Variants in COL22A1 observed in about 807,000 individuals in gnomAD.
COL22A1 encodes the protein collagen type XXII alpha 1 chain, also known as collagen alpha-1(XXII) chain.
Under a neutral mutation model 248.9 loss-of-function variants are expected in COL22A1, and 221 were observed. The ratio of observed to expected loss-of-function variants is 0.89; its 90% CI spans 0.80 to 0.99. The LOEUF is 0.99. COL22A1 is among the 50% of genes least tolerant of loss of function. COL22A1 has a pLI of 0.00. For missense variants in COL22A1, 2,240 were observed against 2,179.0 expected (o/e 1.03, Z -0.56); for synonymous variants, 891 against 793.4 (o/e 1.12, Z -2.07).
rs966150968 is a variant in COL22A1 at position 138,826,507 on chromosome 8, G to A, written c.969+151C>T. 7 of 742,478 alleles carry A rather than the reference G, an allele frequency of 9.4e-6. No homozygotes were observed. The African/African-American group carries it at 1.1e-4, about 11-fold the overall frequency. The allele number at this position is 742,478 out of a possible 1,614,324, so 46.0% of individuals were successfully genotyped here. ...TCTTGGGTCTCATGACATCCCCCCTGCAGGTCCTCTGAGCCTCCATACGCC... is the reference window on the plus strand; with the variant it reads ...TCTTGGGTCTCATGACATCCCCCCTACAGGTCCTCTGAGCCTCCATACGCC... On this transcript the variant is annotated intron_variant, in intron 6 of 64. Transcript: ENST00000303045.
chr8:138,795,528 G>GACACACACACATACAC (rs1554628188), intron 12 of COL22A1, among the ~76,000 whole-genome samples: 2 of 144,784 alleles, frequency 1.4e-5, no homozygotes, highest in African/African-American at 5.2e-5. Context: ...CTCTCTTTCA[G>GACACACACACATACAC]ACACACACAC....
intron 16 of COL22A1, among the ~76,000 whole-genome samples, chr8:138,774,680 A>G (rs538567472): frequency 6.6e-6 from 1 of 152,300 alleles, no homozygotes; most frequent in South Asian, 2.1e-4. Flanking sequence ...CGGCCTCCCA[A>G]AGTGCTGGGA....
intron 56 of COL22A1, among the ~76,000 whole-genome samples, chr8:138,608,593 T>TTCACAGAGATATA (rs1818602889): frequency 6.6e-6 from 1 of 152,216 alleles, no homozygotes; most frequent in South Asian, 2.1e-4. Flanking sequence ...TTTCTCTAAC[T>TTCACAGAGATATA]TCACAGAGAT....
intron 34 of COL22A1, 127 bp downstream of exon 34, chr8:138,694,381 G>T: frequency 1.1e-6 from 1 of 952,262 alleles, no homozygotes; most frequent in Non-Finnish European, 1.7e-6. Context: ...GCACATTGGG[G>T]CTGCTCTGCC....
At chr8:138,743,298 T>C (rs1005794651) in intron 22 of COL22A1, among the ~76,000 whole-genome samples, 5 of 151,894 alleles carry the variant, frequency 3.3e-5, no homozygotes, top group Non-Finnish European at 7.4e-5. Flanking sequence ...ATGATGGTGA[T>C]GGTGTAGTTG....
intron 16 of COL22A1, among the ~76,000 whole-genome samples, chr8:138,764,870 G>T (rs1306795358): frequency 6.6e-6 from 1 of 152,160 alleles, no homozygotes; most frequent in African/African-American, 2.4e-5. Flanking sequence ...GCAGGAGAAT[G>T]GCATGAACCT....
chr8:138,805,273 T>TGTGTGTAATG (rs1817417271), intron 10 of COL22A1, among the ~76,000 whole-genome samples: 3 of 122,440 alleles, frequency 2.5e-5, no homozygotes, highest in Non-Finnish European at 4.9e-5. Flanking sequence ...TGCATGTGTG[T>TGTGTGTAATG]GTGTGTGATG....
At chr8:138,747,073 T>C (rs557664700) in intron 22 of COL22A1, among the ~76,000 whole-genome samples, 5 of 152,334 alleles carry the variant, frequency 3.3e-5, no homozygotes, top group African/African-American at 1.2e-4. Context: ...GTTCATAGAT[T>C]TAGGTAAAAT....
At chr8:138,768,766 T>A (rs1407364298) in intron 16 of COL22A1, among the ~76,000 whole-genome samples, 1 of 151,946 alleles carries the variant, frequency 6.6e-6, no homozygotes, top group African/African-American at 2.4e-5. Context: ...TGAAACCCTG[T>A]CTCTACTAAA....
chr8:138,872,071 C>T (rs1444569521), intron 3 of COL22A1, among the ~76,000 whole-genome samples: 1 of 152,232 alleles, frequency 6.6e-6, no homozygotes, highest in Non-Finnish European at 1.5e-5. Flanking sequence ...GAATCACACA[C>T]TCATCAAAAT....
intron 7 of COL22A1, 78 bp from the exon 8 acceptor site, chr8:138,813,097 C>T (rs1818379022): frequency 9.3e-7 from 1 of 1,078,174 alleles, no homozygotes; most frequent in Admixed American, 1.8e-5. Context: ...CACACAGGCC[C>T]CGTCCTGGTA....
At chr8:138,649,830 G>C (rs1438629958) in intron 45 of COL22A1, 52 bp from the exon 46 acceptor site, 5 of 1,174,496 alleles carry the variant, frequency 4.3e-6, no homozygotes, top group Non-Finnish European at 6.0e-6. Flanking sequence ...AGCAAATACA[G>C]TTTCAAAGCA....
At chr8:138,881,688 A>G (rs554294936) in intron 2 of COL22A1, among the ~76,000 whole-genome samples, 1 of 152,358 alleles carries the variant, frequency 6.6e-6, no homozygotes, top group African/African-American at 2.4e-5. Flanking sequence ...CCGTCTCTAA[A>G]AAGAAAAAAG....
chr8:138,806,144 G>C (rs1317044370), intron 10 of COL22A1, among the ~76,000 whole-genome samples: 10 of 120,702 alleles, frequency 8.3e-5, no homozygotes, highest in African/African-American at 1.1e-4. Context: ...GTGGTGGTGT[G>C]TGTGTGATGG....
At chr8:138,830,551 C>T (rs934273991) in intron 5 of COL22A1, among the ~76,000 whole-genome samples, 2 of 152,264 alleles carry the variant, frequency 1.3e-5, no homozygotes, top group Non-Finnish European at 2.9e-5. Context: ...GGAAATTCCT[C>T]CTCAGAGCAA....
At chr8:138,769,507 T>A (rs748966743) in intron 16 of COL22A1, among the ~76,000 whole-genome samples, 14 of 152,040 alleles carry the variant, frequency 9.2e-5, no homozygotes, top group Non-Finnish European at 1.3e-4. Context: ...TGATGCCCAT[T>A]CCCAGGGACT....
intron 16 of COL22A1, among the ~76,000 whole-genome samples, chr8:138,767,400 T>A (rs913805465): frequency 1.6e-4 from 24 of 152,088 alleles, no homozygotes; most frequent in African/African-American, 5.8e-4. Context: ...TGGATTCTAA[T>A]CCTGACTCTG....
intron 32 of COL22A1, among the ~76,000 whole-genome samples, chr8:138,695,575 G>A (rs1440738236): frequency 6.6e-6 from 1 of 151,972 alleles, no homozygotes; most frequent in East Asian, 1.9e-4. Flanking sequence ...GGACAGACTG[G>A]GGGTTGAACC....
chr8:138,811,272 TAC>T (rs10566309), intron 9 of COL22A1, among the ~76,000 whole-genome samples: 63,762 of 148,378 alleles, frequency 0.43, 14,377 homozygotes, highest in Middle Eastern at 0.52. Flanking sequence ...TATATATATA[TAC>T]ACACACACAC....
Sources: gnomAD v4.1 joint callset for allele counts (sites outside exome capture counted in the v4.1 genomes callset) on GRCh38, gnomAD v4.1.1 for gene constraint, MANE v1.5 for transcripts, NCBI Gene and HGNC (gene_info 2026-07-23, HGNC 2026-07-21) for gene names.